RBMS3: variants seen among roughly 807,000 people sequenced by gnomAD.
RBMS3 encodes the protein RNA-binding motif, single-stranded-interacting protein 3.
A neutral mutation model predicts 66.8 loss-of-function variants in RBMS3; 27 were observed. The observed-to-expected ratio is 0.40, with a 90% CI of 0.30 to 0.56. The LOEUF is 0.56. RBMS3 is among the 20% of genes least tolerant of loss of function. The probability of loss-of-function intolerance (pLI) is 0.40; values close to 1 mark genes in which losing one functional copy is unlikely to be tolerated. For synonymous variants in RBMS3, 188 were observed against 183.0 expected, an observed-to-expected ratio of 1.03 and a Z score of -0.22; for missense variants, 513 against 549.5, an observed-to-expected ratio of 0.93 and a Z score of 0.66.
In RBMS3 at chr3:30,003,967, T is replaced by G. The variant is rs544859597; in HGVS notation, c.*105T>G. ...CACAGACGTCAATGGAATGCATTTT[T>G]TTGTTGTTGTTGTTGTTTTTTTTTT... On this transcript the variant is annotated 3_prime_UTR_variant, in exon 15 of 15. Transcript: ENST00000383767. 8.0e-4 allele frequency: 823 copies of G among 1,024,978 alleles called. 13 individuals carry two copies. In the South Asian group the frequency reaches 0.013, roughly 16 times the overall value. The allele number at this position is 1,024,978 out of a possible 1,614,324, so 63.5% of individuals were successfully genotyped here. A position where few individuals can be genotyped will look rare whatever the true frequency, so the allele number is the denominator to read the frequency against.
chr3:29,797,332 CT>C (rs2057236551), intron 6 of RBMS3, among the ~76,000 whole-genome samples: 1 of 152,162 alleles, frequency 6.6e-6, no homozygotes, highest in African/African-American at 2.4e-5. Flanking sequence ...TAGCTTCCAA[CT>C]TTTTTTCTGC....
At chr3:29,292,376 G>A (rs756201708) in intron 1 of RBMS3, among the ~76,000 whole-genome samples, 2 of 151,558 alleles carry the variant, frequency 1.3e-5, no homozygotes, top group African/African-American at 2.4e-5. Context: ...ATTTTACTTT[G>A]CTGCTAGTTG....
At chr3:29,512,598 T>C (rs2148957768) in intron 3 of RBMS3, among the ~76,000 whole-genome samples, 1 of 152,014 alleles carries the variant, frequency 6.6e-6, no homozygotes, top group South Asian at 2.1e-4. Context: ...TTTCTTTTCA[T>C]CAAGAAACTG....
intron 5 of RBMS3, among the ~76,000 whole-genome samples, chr3:29,741,562 G>A (rs1005858078): frequency 1.3e-5 from 2 of 152,072 alleles, no homozygotes; most frequent in South Asian, 2.1e-4. Context: ...CCTTCATTTG[G>A]ACTCTTGCTG....
chr3:29,378,142 G>T (rs73828631), intron 1 of RBMS3, among the ~76,000 whole-genome samples: 8,816 of 152,142 alleles, frequency 0.058, 608 homozygotes, highest in East Asian at 0.23. Context: ...ACAGTTCTCT[G>T]TCAGCTGCTT....
intron 2 of RBMS3, among the ~76,000 whole-genome samples, chr3:29,461,939 T>G (rs986840874): frequency 7.4e-5 from 9 of 121,184 alleles, no homozygotes; most frequent in African/African-American, 9.3e-5. Context: ...TTTTTTTTTT[T>G]TTTTTTTTTT....
At chr3:29,498,097 C>T (rs904761038) in intron 3 of RBMS3, among the ~76,000 whole-genome samples, 12 of 136,982 alleles carry the variant, frequency 8.8e-5, no homozygotes, top group South Asian at 2.5e-4. Flanking sequence ...CGGGTTCAAA[C>T]GATTCTCCTG....
At chr3:29,378,329 G>T (rs7427633) in intron 1 of RBMS3, among the ~76,000 whole-genome samples, 3 of 151,770 alleles carry the variant, frequency 2.0e-5, no homozygotes, top group South Asian at 2.1e-4. Context: ...AAAATTAGCC[G>T]GGGGTGGTGG....
At chr3:29,939,368 TGCCTGAGTTTTGG>T (rs1428651948) in intron 11 of RBMS3, among the ~76,000 whole-genome samples, 1 of 151,986 alleles carries the variant, frequency 6.6e-6, no homozygotes, top group East Asian at 1.9e-4. Flanking sequence ...ATACTATCTC[TGCCTGAGTTTTGG>T]GCAAATAGAA....
intron 13 of RBMS3, 135 bp downstream of exon 13, chr3:29,988,358 G>A (rs1014391680): frequency 2.7e-5 from 18 of 669,046 alleles, no homozygotes; most frequent in Non-Finnish European, 1.5e-5. Context: ...TAAATTCAGT[G>A]TATGAAAGTA....
At chr3:29,777,904 G>T (rs1030374832) in intron 6 of RBMS3, among the ~76,000 whole-genome samples, 2 of 151,720 alleles carry the variant, frequency 1.3e-5, no homozygotes, top group African/African-American at 4.8e-5. Context: ...GTAGTACATT[G>T]GGGTTGTAGT....
At chr3:29,472,889 C>T (rs2042789249) in intron 2 of RBMS3, among the ~76,000 whole-genome samples, 1 of 152,106 alleles carries the variant, frequency 6.6e-6, no homozygotes, top group Non-Finnish European at 1.5e-5. Context: ...GGACAGTCTG[C>T]TTTTATTCTC....
intron 1 of RBMS3, among the ~76,000 whole-genome samples, chr3:29,385,341 C>G (rs2038966706): frequency 6.6e-6 from 1 of 152,132 alleles, no homozygotes; most frequent in African/African-American, 2.4e-5. Flanking sequence ...CCATTTCTGA[C>G]CCCACAACCA....
chr3:29,846,687 ACT>A (rs1364091539), intron 6 of RBMS3, among the ~76,000 whole-genome samples: 1 of 152,134 alleles, frequency 6.6e-6, no homozygotes, highest in Non-Finnish European at 1.5e-5. Flanking sequence ...GCTCATAAAT[ACT>A]CTCTAAAAAA....
At chr3:29,898,535 C>T (rs1028516944) in intron 9 of RBMS3, among the ~76,000 whole-genome samples, 4 of 151,626 alleles carry the variant, frequency 2.6e-5, no homozygotes, top group African/African-American at 9.7e-5. Context: ...ACTGATTCCC[C>T]CCAAAGCAGA....
chr3:29,880,799 C>A (rs1240725275), intron 7 of RBMS3: 1 of 1,536,160 alleles, frequency 6.5e-7, no homozygotes, highest in Non-Finnish European at 8.7e-7. Context: ...GCAGGACTGT[C>A]CCTAGGCAAA....
intron 12 of RBMS3, among the ~76,000 whole-genome samples, chr3:29,947,949 T>G (rs1695426932): frequency 6.6e-6 from 1 of 151,278 alleles, no homozygotes; most frequent in Admixed American, 6.6e-5. Flanking sequence ...GTTCAGAATT[T>G]GAACCTAGGT....
intron 1 of RBMS3, among the ~76,000 whole-genome samples, chr3:29,434,335 G>A (rs954411439): frequency 6.6e-6 from 1 of 152,170 alleles, no homozygotes; most frequent in Non-Finnish European, 1.5e-5. Context: ...AGGGAACAAG[G>A]TAATAGAGGG....
chr3:29,789,554 A>T (rs1484691975), intron 6 of RBMS3, among the ~76,000 whole-genome samples: 1 of 151,998 alleles, frequency 6.6e-6, no homozygotes, highest in Non-Finnish European at 1.5e-5. Flanking sequence ...ATTTTCCTGA[A>T]ATTTCAATTG....
Sources: allele counts gnomAD v4.1 joint callset (sites outside exome capture counted in the v4.1 genomes callset), GRCh38; gene constraint gnomAD v4.1.1; transcripts MANE v1.5; gene names NCBI Gene and HGNC (gene_info 2026-07-23, HGNC 2026-07-21).